The following ZNRF3 variants were observed in gnomAD, a reference collection of about 807,000 sequenced individuals.
The protein encoded by ZNRF3 is zinc and ring finger 3.
In ZNRF3, 23 loss-of-function variants were observed where a neutral mutation model predicts 72.5. That is an observed-to-expected ratio of 0.32 (90% CI 0.23 to 0.45). The LOEUF is 0.45. Among genes scored for constraint, ZNRF3 ranks in the 20% least tolerant of loss-of-function variants. The pLI is 1.00. For synonymous variants in ZNRF3, 610 were observed against 545.3 expected (o/e 1.12, Z -1.65); for missense variants, 1,169 against 1,272.1 (o/e 0.92, Z 1.23).
intron 1 of ZNRF3, among the ~76,000 whole-genome samples, chr22:28,955,091 A>G (rs1365997164): frequency 2.2e-5 from 3 of 134,354 alleles, no homozygotes; most frequent in African/African-American, 5.7e-5. Flanking sequence ...CCCAGGCTGG[A>G]GTACAGTGGT....
chr22:28,967,423 A>C (rs1294431296), intron 1 of ZNRF3, among the ~76,000 whole-genome samples: 7 of 152,200 alleles, frequency 4.6e-5, no homozygotes, highest in Admixed American at 2.6e-4. Context: ...TATTTCTCAG[A>C]ACATGACCCC....
chr22:28,932,679 G>C (rs1413082224), intron 1 of ZNRF3, among the ~76,000 whole-genome samples: 3 of 152,150 alleles, frequency 2.0e-5, no homozygotes, highest in African/African-American at 7.2e-5. Context: ...CCAAAAGCCT[G>C]GGCAGAGCTG....
Position 29,050,569 on chromosome 22 carries a change from C to A in ZNRF3, c.2388C>A (p.Gly796=). 6.2e-7 allele frequency: 1 copy of A among 1,608,834 alleles called. No individual in the cohort carries two copies. The highest frequency in any genetic ancestry group is 8.5e-7 in the Non-Finnish European group (1 of 1,178,050). ...CCCGCGGGGGCGGAGGGGGCAGCGG[C>A]TGCTACACTGAGGACTACTCGGTGA... ...QVARGGGGGS[G]CYTEDYSVSV... The change falls in exon 8 of 9, where the codon GGC becomes GGA. Residue 796 remains glycine (G), a synonymous_variant. Coordinates refer to ENST00000544604, the MANE Select transcript of ZNRF3 (RefSeq NM_001206998.2).
At chr22:28,956,372 T>A (rs1050403958) in intron 1 of ZNRF3, among the ~76,000 whole-genome samples, 4 of 149,242 alleles carry the variant, frequency 2.7e-5, no homozygotes, top group Non-Finnish European at 4.4e-5. Context: ...TTTTTTTTTT[T>A]TTTTTAAAGC....
intron 1 of ZNRF3, among the ~76,000 whole-genome samples, chr22:28,890,016 C>A (rs776557356): frequency 6.6e-6 from 1 of 152,204 alleles, no homozygotes; most frequent in Non-Finnish European, 1.5e-5. Flanking sequence ...GGAGAGTGGA[C>A]ATCAGGCAGG....
At chr22:28,913,276 T>C (rs76598354) in intron 1 of ZNRF3, among the ~76,000 whole-genome samples, 3,281 of 152,350 alleles carry the variant, frequency 0.022, 82 homozygotes, top group African/African-American at 0.051. Flanking sequence ...CTTAGAGATA[T>C]ATTCTGCACA....
chr22:28,990,776 A>G (rs1316174418), intron 2 of ZNRF3, among the ~76,000 whole-genome samples: 2 of 152,122 alleles, frequency 1.3e-5, no homozygotes, highest in African/African-American at 2.4e-5. Flanking sequence ...TAACCCTCCA[A>G]TTCAATCAGT....
chr22:29,027,392 G>GTGC (rs1195992092), intron 2 of ZNRF3, among the ~76,000 whole-genome samples: 3 of 152,106 alleles, frequency 2.0e-5, no homozygotes, highest in Non-Finnish European at 4.4e-5. Context: ...GGGATTACAG[G>GTGC]TGCCTGCCAC....
At chr22:28,930,814 G>A (rs1318361680) in intron 1 of ZNRF3, among the ~76,000 whole-genome samples, 1 of 152,228 alleles carries the variant, frequency 6.6e-6, no homozygotes, top group African/African-American at 2.4e-5. Flanking sequence ...GAGGAATGGA[G>A]GGGGCCTTGC....
At chr22:28,909,416 G>A (rs1168753908) in intron 1 of ZNRF3, among the ~76,000 whole-genome samples, 4 of 151,962 alleles carry the variant, frequency 2.6e-5, no homozygotes, top group Non-Finnish European at 5.9e-5. Context: ...TCCGCCTTCA[G>A]ATCAGGATGA....
At chr22:28,922,772 C>A (rs1026659738) in intron 1 of ZNRF3, among the ~76,000 whole-genome samples, 1 of 152,212 alleles carries the variant, frequency 6.6e-6, no homozygotes, top group Non-Finnish European at 1.5e-5. Flanking sequence ...TGTGCCCGAT[C>A]TATATGTGGC....
intron 1 of ZNRF3, among the ~76,000 whole-genome samples, chr22:28,950,040 A>C (rs1490346375): frequency 6.6e-6 from 1 of 152,190 alleles, no homozygotes; most frequent in African/African-American, 2.4e-5. Flanking sequence ...TGCTTCATCA[A>C]CATTCTTAAG....
At chr22:28,892,131 T>G (rs1346799628) in intron 1 of ZNRF3, among the ~76,000 whole-genome samples, 1 of 152,248 alleles carries the variant, frequency 6.6e-6, no homozygotes, top group Non-Finnish European at 1.5e-5. Flanking sequence ...CACAGGCTCA[T>G]TGAATCCTCT....
intron 1 of ZNRF3, among the ~76,000 whole-genome samples, chr22:28,944,009 C>G (rs182834248): frequency 1.4e-5 from 2 of 147,736 alleles, no homozygotes; most frequent in East Asian, 3.9e-4. Flanking sequence ...AAAAGAACCC[C>G]GGATTAAGGC....
chr22:28,925,245 C>T (rs938705351), intron 1 of ZNRF3, among the ~76,000 whole-genome samples: 5 of 152,172 alleles, frequency 3.3e-5, no homozygotes, highest in Admixed American at 2.0e-4. Context: ...GTCTGAGGCA[C>T]TACTCAACTT....
intron 1 of ZNRF3, among the ~76,000 whole-genome samples, chr22:28,916,436 T>C (rs944682809): frequency 6.6e-6 from 1 of 152,256 alleles, no homozygotes; most frequent in African/African-American, 2.4e-5. Flanking sequence ...TAACTCATTT[T>C]AGGTTCATAA....
intron 2 of ZNRF3, among the ~76,000 whole-genome samples, chr22:29,038,213 C>T (rs1175606969): frequency 6.6e-6 from 1 of 152,036 alleles, no homozygotes; most frequent in Non-Finnish European, 1.5e-5. Context: ...ATATTCTGGT[C>T]TACACTTGAG....
chr22:28,975,043 A>G (rs1279810613), intron 1 of ZNRF3, among the ~76,000 whole-genome samples: 2 of 152,172 alleles, frequency 1.3e-5, no homozygotes, highest in African/African-American at 4.8e-5. Context: ...TGTTTTTATT[A>G]TATAGTCTTT....
At chr22:28,909,010 C>T (rs2034265518) in intron 1 of ZNRF3, among the ~76,000 whole-genome samples, 1 of 152,162 alleles carries the variant, frequency 6.6e-6, no homozygotes, top group Non-Finnish European at 1.5e-5. Context: ...ATTCTTCTGC[C>T]TCAGCCTCCT....
Sources: gnomAD v4.1 joint callset for allele counts (sites outside exome capture counted in the v4.1 genomes callset) on GRCh38, gnomAD v4.1.1 for gene constraint, MANE v1.5 for transcripts, NCBI Gene and HGNC (gene_info 2026-07-23, HGNC 2026-07-21) for gene names.